The following CT45A1 variants were observed in gnomAD, a reference collection of about 807,000 sequenced individuals.
CT45A1 encodes cancer/testis antigen family 45 member A1, also known as cancer/testis antigen 45-1.
upstream of CT45A1, among the ~76,000 whole-genome samples, chrX:135,709,721 G>T (rs2501490): frequency 0.19 from 21,287 of 110,757 alleles, 1,666 homozygotes; most frequent in Non-Finnish European, 0.24. Flanking sequence ...AAGGGAAGTG[G>T]AGGGGAGGGA....
chrX:135,709,039 C>G (rs1350828995), upstream of CT45A1, among the ~76,000 whole-genome samples: 16 of 111,309 alleles, frequency 1.4e-4, no homozygotes, highest in African/African-American at 4.9e-4. Flanking sequence ...CCAAACTCTT[C>G]TTTATGACAA....
At chrX:135,717,831 C>G (rs1225255232) in intron 1 of CT45A1, among the ~76,000 whole-genome samples, 2 of 111,307 alleles carry the variant, frequency 1.8e-5, no homozygotes, top group African/African-American at 6.5e-5. Context: ...TGATTTTATT[C>G]TTCTGCATTT....
At chrX:135,714,076 G>C (rs112802936) in intron 1 of CT45A1, among the ~76,000 whole-genome samples, 8,126 of 108,024 alleles carry the variant, frequency 0.075, 362 homozygotes, top group Non-Finnish European at 0.11. Context: ...TCCTGAGCGG[G>C]GGCTCTGCCT....
chrX:135,711,770 T>C (rs2087934513), upstream of CT45A1, among the ~76,000 whole-genome samples: 1 of 112,116 alleles, frequency 8.9e-6, no homozygotes, highest in African/African-American at 3.2e-5. Flanking sequence ...TTTGCTGCAC[T>C]TAAAATAAGT....
upstream of CT45A1, among the ~76,000 whole-genome samples, chrX:135,710,574 G>T (rs1268003787): frequency 7.1e-5 from 8 of 111,973 alleles, no homozygotes; most frequent in Admixed American, 1.9e-4. Flanking sequence ...CTGGAAGATT[G>T]TTCACTCAGC....
intron 1 of CT45A1, among the ~76,000 whole-genome samples, chrX:135,714,207 G>A (rs1256524336): frequency 2.7e-5 from 3 of 109,679 alleles, no homozygotes; most frequent in African/African-American, 1.0e-4. Flanking sequence ...CTCTTCCTTG[G>A]GTGCTGATGT....
intron 1 of CT45A1, among the ~76,000 whole-genome samples, chrX:135,718,033 T>C (rs1556572249): frequency 8.9e-6 from 1 of 112,104 alleles, no homozygotes; most frequent in Non-Finnish European, 1.9e-5. Flanking sequence ...AGTATGGCAT[T>C]TAAAAATTTT....
At chrX:135,712,969 C>CTTTCTTTCTT (rs1556570102), upstream of CT45A1, among the ~76,000 whole-genome samples, 1 of 49,117 alleles carries the variant, frequency 2.0e-5, no homozygotes, top group African/African-American at 7.5e-5. Flanking sequence ...TTCTTTCTTT[C>CTTTCTTTCTT]TTTCTTTTCT....
intron 1 of CT45A1, among the ~76,000 whole-genome samples, chrX:135,715,229 A>T (rs868938288): frequency 1.2e-5 from 1 of 85,998 alleles, no homozygotes; most frequent in Non-Finnish European, 2.2e-5. Context: ...ATATATATAT[A>T]ATACTTATAT....
At chrX:135,711,147 T>A (rs1245659197), upstream of CT45A1, among the ~76,000 whole-genome samples, 1 of 112,027 alleles carries the variant, frequency 8.9e-6, no homozygotes, top group South Asian at 3.8e-4. Context: ...CTCATGGTTA[T>A]TCAATCAAAT....
At chrX:135,717,376 C>T (rs2148035069) in intron 1 of CT45A1, among the ~76,000 whole-genome samples, 1 of 111,188 alleles carries the variant, frequency 9.0e-6, no homozygotes, top group Non-Finnish European at 1.9e-5. Context: ...TAGTGAAACC[C>T]CGTCTCTACT....
intron 1 of CT45A1, among the ~76,000 whole-genome samples, chrX:135,714,960 T>G (rs782382637): frequency 8.3e-5 from 9 of 107,786 alleles, no homozygotes; most frequent in South Asian, 8.0e-4. Context: ...AAAAATGGAT[T>G]TGTAGTTTCC....
upstream of CT45A1, among the ~76,000 whole-genome samples, chrX:135,712,938 TTTC>T: frequency 3.5e-5 from 1 of 28,328 alleles, no homozygotes; most frequent in Non-Finnish European, 5.7e-5. Context: ...CTTTTCTTTT[TTTC>T]TTTCTTTCTT....
At chrX:135,714,282 T>A (rs1184877849) in intron 1 of CT45A1, among the ~76,000 whole-genome samples, 1 of 109,185 alleles carries the variant, frequency 9.2e-6, no homozygotes, top group Non-Finnish European at 1.9e-5. Context: ...TGGCTTTTCT[T>A]TGGTTCTGCT....
At chrX:135,717,266 C>T (rs1229724017) in intron 1 of CT45A1, among the ~76,000 whole-genome samples, 1 of 111,653 alleles carries the variant, frequency 9.0e-6, no homozygotes, top group Non-Finnish European at 1.9e-5. Context: ...TAATGTCTTC[C>T]AGCCAGGCAT....
intron 1 of CT45A1, among the ~76,000 whole-genome samples, chrX:135,717,782 A>G (rs7474097): frequency 9.2e-4 from 103 of 111,835 alleles, no homozygotes; most frequent in African/African-American, 3.1e-3. Flanking sequence ...GGTTTTCATT[A>G]TATCTAGTAA....
At chrX:135,708,990 G>A (rs2087921024), upstream of CT45A1, among the ~76,000 whole-genome samples, 2 of 111,305 alleles carry the variant, frequency 1.8e-5, no homozygotes, top group African/African-American at 6.5e-5. Context: ...AAGGTTGAAA[G>A]AGGAGATGAT....
At chrX:135,715,588 GTATATAATACTTA>G (rs1297391545) in intron 1 of CT45A1, among the ~76,000 whole-genome samples, 2 of 82,922 alleles carry the variant, frequency 2.4e-5, no homozygotes, top group Non-Finnish European at 4.5e-5. Context: ...ATACTTATAG[GTATATAATACTTA>G]TATATAATAC....
At chrX:135,717,908 G>T (rs1290717623) in intron 1 of CT45A1, among the ~76,000 whole-genome samples, 1 of 111,633 alleles carries the variant, frequency 9.0e-6, no homozygotes, top group African/African-American at 3.3e-5. Context: ...TAAACCTATT[G>T]TATTTTCCTG....
Sources: allele counts gnomAD v4.1 joint callset (sites outside exome capture counted in the v4.1 genomes callset), GRCh38; gene constraint gnomAD v4.1.1; transcripts MANE v1.5; gene names NCBI Gene and HGNC (gene_info 2026-07-23, HGNC 2026-07-21).